Variants in HIVEP2 observed in about 807,000 individuals in gnomAD.
HIVEP2 encodes transcription factor HIVEP2.
A neutral mutation model predicts 180.7 loss-of-function variants in HIVEP2; 14 were observed. The ratio of observed to expected loss-of-function variants is 0.08; its 90% CI spans 0.05 to 0.12. The LOEUF is 0.12. HIVEP2 is among the 10% of genes least tolerant of loss of function. The pLI is 1.00. For synonymous variants in HIVEP2, 1,184 were observed against 1,136.4 expected (o/e 1.04, Z -0.84); for missense variants, 2,579 against 3,008.5 (o/e 0.86, Z 3.34).
intron 1 of HIVEP2, among the ~76,000 whole-genome samples, chr6:142,894,376 C>G (rs1301244334): frequency 6.6e-6 from 1 of 152,006 alleles, no homozygotes; most frequent in Non-Finnish European, 1.5e-5. Context: ...TCAAGAAAAC[C>G]ATGTCAACAG....
chr6:142,764,216 T>TA (rs1007182274), intron 7 of HIVEP2, among the ~76,000 whole-genome samples: 3 of 151,896 alleles, frequency 2.0e-5, no homozygotes, highest in Admixed American at 1.3e-4. Context: ...AAACAGATTT[T>TA]AAAAAAAAAT....
chr6:142,755,433 C>T (rs535668633), intron 9 of HIVEP2, among the ~76,000 whole-genome samples: 6 of 152,328 alleles, frequency 3.9e-5, no homozygotes, highest in South Asian at 2.1e-4. Flanking sequence ...CCTACAGTAA[C>T]GATCTTTGAA....
At chr6:142,867,340 A>G (rs930154023) in intron 1 of HIVEP2, among the ~76,000 whole-genome samples, 12 of 152,170 alleles carry the variant, frequency 7.9e-5, no homozygotes, top group South Asian at 2.1e-4. Flanking sequence ...GCAATCATAT[A>G]TATACTCAAC....
chr6:142,933,955 ACT>A (rs1777994549), intron 1 of HIVEP2, among the ~76,000 whole-genome samples: 1 of 152,186 alleles, frequency 6.6e-6, no homozygotes. Context: ...TGTGGGTATA[ACT>A]CTCTGAATAC....
At chr6:142,861,195 G>T (rs563041095) in intron 1 of HIVEP2, among the ~76,000 whole-genome samples, 2 of 152,160 alleles carry the variant, frequency 1.3e-5, no homozygotes, top group South Asian at 4.1e-4. Context: ...GACCTCTTTG[G>T]TTCTGTACGT....
At chr6:142,814,411 A>T (rs1422966100) in intron 2 of HIVEP2, among the ~76,000 whole-genome samples, 1 of 152,188 alleles carries the variant, frequency 6.6e-6, no homozygotes, top group African/African-American at 2.4e-5. Flanking sequence ...TGGGGAGTTG[A>T]GTGGAGACTT....
chr6:142,773,626 T>C lies in HIVEP2; in HGVS notation c.1113A>G (p.Leu371=). The change falls in exon 5 of 10, where the codon CTA becomes CTG. Residue 371 remains leucine, a synonymous_variant. Transcript: ENST00000367603. Reference sequence around the variant, plus strand: ...CTTGTCCTTTTTTCTCTGACAGTCTTAGTGCAAGTTTCTGTTTGACTGTGT... The same window carrying C: ...CTTGTCCTTTTTTCTCTGACAGTCTCAGTGCAAGTTTCTGTTTGACTGTGT... ...DSHTVKQKLA[L]RLSEKKGQDS... The C allele has an allele frequency of 1.9e-6, 3 of 1,614,186 alleles. No homozygotes were observed. Among genetic ancestry groups the C allele is most frequent in the Non-Finnish European group, 2.5e-6 (3 of 1,180,010 alleles).
chr6:142,800,797 T>C (rs752695648), intron 2 of HIVEP2, among the ~76,000 whole-genome samples: 6 of 152,194 alleles, frequency 3.9e-5, no homozygotes, highest in African/African-American at 7.2e-5. Flanking sequence ...AAGATCCTTC[T>C]GTTCTGATGT....
At chr6:142,800,153 T>C (rs1369418632) in intron 2 of HIVEP2, among the ~76,000 whole-genome samples, 1 of 152,310 alleles carries the variant, frequency 6.6e-6, no homozygotes, top group East Asian at 1.9e-4. Flanking sequence ...GTGGAATAAA[T>C]GGTCTTAATA....
chr6:142,814,939 C>T (rs994905534), intron 2 of HIVEP2, among the ~76,000 whole-genome samples: 1 of 151,996 alleles, frequency 6.6e-6, no homozygotes, highest in Admixed American at 6.6e-5. Flanking sequence ...TTATAACAAG[C>T]AGAAATTTTT....
At chr6:142,811,363 A>C (rs1776693912) in intron 2 of HIVEP2, among the ~76,000 whole-genome samples, 1 of 152,228 alleles carries the variant, frequency 6.6e-6, no homozygotes, top group Admixed American at 6.5e-5. Flanking sequence ...CAGAGTGGTC[A>C]CTTAAGATCA....
chr6:142,927,288 C>T (rs111988033), intron 1 of HIVEP2, among the ~76,000 whole-genome samples: 1 of 152,200 alleles, frequency 6.6e-6, no homozygotes, highest in African/African-American at 2.4e-5. Flanking sequence ...CTTTCCTCAG[C>T]GTAATTTTGA....
At chr6:142,914,509 A>C (rs1217638092) in intron 1 of HIVEP2, among the ~76,000 whole-genome samples, 1 of 152,212 alleles carries the variant, frequency 6.6e-6, no homozygotes, top group Non-Finnish European at 1.5e-5. Context: ...GACTCTGAAA[A>C]TGGGCAGAGT....
At chr6:142,910,894 A>G (rs1445615399) in intron 1 of HIVEP2, among the ~76,000 whole-genome samples, 2 of 152,184 alleles carry the variant, frequency 1.3e-5, no homozygotes, top group African/African-American at 4.8e-5. Flanking sequence ...TTGAAAGACC[A>G]TCGTGCATGA....
intron 8 of HIVEP2, 101 bp downstream of exon 8, chr6:142,761,363 G>A (rs1775231133): frequency 3.1e-6 from 2 of 639,200 alleles, no homozygotes; most frequent in South Asian, 2.1e-5. Flanking sequence ...AATGAAAAGT[G>A]ATCACTTTTT....
intron 9 of HIVEP2, among the ~76,000 whole-genome samples, chr6:142,754,198 T>C (rs1459138470): frequency 6.6e-6 from 1 of 152,118 alleles, no homozygotes; most frequent in African/African-American, 2.4e-5. Context: ...GTGTTTTCCA[T>C]TGGGTACAGA....
intron 2 of HIVEP2, among the ~76,000 whole-genome samples, chr6:142,820,088 C>T (rs147433549): frequency 6.9e-4 from 105 of 152,314 alleles, no homozygotes; most frequent in African/African-American, 2.4e-3. Context: ...GAACATACAT[C>T]ATACCACTTC....
At chr6:142,844,167 T>G (rs1010784139) in intron 1 of HIVEP2, among the ~76,000 whole-genome samples, 34 of 152,120 alleles carry the variant, frequency 2.2e-4, no homozygotes, top group Non-Finnish European at 4.4e-4. Context: ...CCTTATGTGT[T>G]TTTTTTAATC....
intron 1 of HIVEP2, among the ~76,000 whole-genome samples, chr6:142,913,268 C>T (rs374173825): frequency 3.3e-5 from 5 of 152,324 alleles, no homozygotes; most frequent in South Asian, 4.1e-4. Flanking sequence ...TTCACTCTGA[C>T]GACTTCTGAA....
Sources: gnomAD v4.1 joint callset for allele counts (sites outside exome capture counted in the v4.1 genomes callset) on GRCh38, gnomAD v4.1.1 for gene constraint, MANE v1.5 for transcripts, NCBI Gene and HGNC (gene_info 2026-07-23, HGNC 2026-07-21) for gene names.